VIT: variants seen among roughly 807,000 people sequenced by gnomAD.
The protein encoded by VIT is vitrin.
A neutral mutation model predicts 78.0 loss-of-function variants in VIT; 99 were observed. The ratio of observed to expected loss-of-function variants is 1.27; its 90% CI spans 1.08 to 1.50. The LOEUF is 1.50. Ranked by LOEUF, VIT falls within the 40% of genes most tolerant of loss-of-function variation. The pLI is 0.00. For missense variants in VIT, 1,126 were observed against 875.3 expected, an observed-to-expected ratio of 1.29 and a Z score of -3.61; for synonymous variants, 374 against 334.3, an observed-to-expected ratio of 1.12 and a Z score of -1.29.
intron 2 of VIT, among the ~76,000 whole-genome samples, chr2:36,718,837 A>G (rs17019581): frequency 6.6e-6 from 1 of 152,134 alleles, no homozygotes; most frequent in Non-Finnish European, 1.5e-5. Flanking sequence ...AAACAAAAAA[A>G]TGGGCTAGCA....
At chr2:36,770,579 A>C (rs1669686186) in intron 7 of VIT, among the ~76,000 whole-genome samples, 2 of 152,166 alleles carry the variant, frequency 1.3e-5, no homozygotes, top group African/African-American at 4.8e-5. Context: ...AGAGCAATAG[A>C]GACTTCCTAC....
chr2:36,720,090 C>A (rs187272297), intron 2 of VIT, among the ~76,000 whole-genome samples: 4 of 152,262 alleles, frequency 2.6e-5, no homozygotes, highest in Admixed American at 2.6e-4. Context: ...ATCCTCAGTG[C>A]AATCCCTATT....
intron 2 of VIT, among the ~76,000 whole-genome samples, chr2:36,719,235 A>G (rs1056842982): frequency 6.6e-6 from 1 of 152,198 alleles, no homozygotes. Flanking sequence ...TAATATCATA[A>G]TCAATGGTGA....
chr2:36,756,131 T>A (rs549367233), intron 5 of VIT, among the ~76,000 whole-genome samples: 40 of 152,148 alleles, frequency 2.6e-4, no homozygotes, highest in Admixed American at 5.9e-4. Flanking sequence ...CTAATTTTTG[T>A]ATTTTTAGTG....
rs1310878754 is a variant in VIT at position 36,773,812 on chromosome 2, A to G, written c.701A>G (p.Tyr234Cys). Residue 234 changes from tyrosine to cysteine, a missense_variant, in exon 8 of 16, where the codon TAC (tyrosine) becomes TGC (cysteine). Tyr to Cys is a radical substitution (Grantham distance 194). Transcript: ENST00000379242. Reference sequence around the variant, plus strand: ...ACAGATCTCTGGTCCACTGCCACCTACACAAGCAGCCAAAACAGGCCCAGA... The same window carrying G: ...ACAGATCTCTGGTCCACTGCCACCTGCACAAGCAGCCAAAACAGGCCCAGA... ...QEMDLWSTATYTSSQNRPRAD... is the reference protein window; with the variant it reads ...QEMDLWSTATCTSSQNRPRAD... 1 of 1,605,112 alleles carries G rather than the reference A, an allele frequency of 6.2e-7. No individual in the cohort carries two copies. Among genetic ancestry groups the G allele is most frequent in the Non-Finnish European group, 8.5e-7 (1 of 1,174,734 alleles).
chr2:36,742,104 G>A (rs1053243057), intron 3 of VIT, among the ~76,000 whole-genome samples: 6 of 152,272 alleles, frequency 3.9e-5, no homozygotes, highest in Non-Finnish European at 7.4e-5. Context: ...AAGAATGGGG[G>A]CCAGAACTGA....
chr2:36,759,381 AAAGGAAAAAGC>A, intron 6 of VIT: 1 of 1,380,714 alleles, frequency 7.2e-7, no homozygotes, highest in Non-Finnish European at 9.4e-7. Flanking sequence ...CTGGCAGCTA[AAAGGAAAAAGC>A]TGTATCTACT....
chr2:36,744,888 C>A (rs1668044151), intron 4 of VIT, among the ~76,000 whole-genome samples: 3 of 152,044 alleles, frequency 2.0e-5, no homozygotes, highest in Admixed American at 2.0e-4. Context: ...AAATTCTTTG[C>A]CAAGACCAAT....
intron 2 of VIT, among the ~76,000 whole-genome samples, chr2:36,728,147 T>C (rs980624939): frequency 2.0e-5 from 3 of 152,138 alleles, no homozygotes; most frequent in Non-Finnish European, 4.4e-5. Flanking sequence ...GCCACACTCG[T>C]CTCAAACTCC....
chr2:36,764,430 A>T (rs919046090), intron 6 of VIT, among the ~76,000 whole-genome samples: 3 of 152,230 alleles, frequency 2.0e-5, no homozygotes, highest in Non-Finnish European at 4.4e-5. Context: ...GAAATTAGAA[A>T]CTTCCCTAGT....
At chr2:36,799,474 A>G (rs1666155191) in intron 12 of VIT, among the ~76,000 whole-genome samples, 1 of 152,180 alleles carries the variant, frequency 6.6e-6, no homozygotes, top group Non-Finnish European at 1.5e-5. Flanking sequence ...GCACTTTGGG[A>G]GGCCAAAACA....
intron 3 of VIT, among the ~76,000 whole-genome samples, chr2:36,738,353 G>C (rs1217024015): frequency 6.6e-6 from 1 of 152,138 alleles, no homozygotes; most frequent in Admixed American, 6.5e-5. Flanking sequence ...ATTGTTAATT[G>C]AACAAATTAA....
At chr2:36,770,101 G>A (rs1035831856) in intron 7 of VIT, among the ~76,000 whole-genome samples, 19 of 152,172 alleles carry the variant, frequency 1.2e-4, no homozygotes, top group African/African-American at 4.6e-4. Context: ...TCTAGAACTG[G>A]TTGTGGACAG....
At chr2:36,716,903 G>C (rs1199472855) in intron 2 of VIT, among the ~76,000 whole-genome samples, 4 of 112,104 alleles carry the variant, frequency 3.6e-5, no homozygotes, top group African/African-American at 1.4e-4. Flanking sequence ...TTGAGATAGA[G>C]TCTCACTCTC....
At chr2:36,707,504 C>G (rs1454153950) in intron 1 of VIT, among the ~76,000 whole-genome samples, 1 of 152,222 alleles carries the variant, frequency 6.6e-6, no homozygotes, top group Non-Finnish European at 1.5e-5. Flanking sequence ...CTGGCAAGGG[C>G]CTGGTGCTGA....
intron 1 of VIT, 69 bp from the exon 2 acceptor site, chr2:36,716,284 C>T (rs1487141790): frequency 7.5e-7 from 1 of 1,330,760 alleles, no homozygotes; most frequent in Non-Finnish European, 1.1e-6. Context: ...TCTATCCCCA[C>T]ACACTCTGTG....
At chr2:36,742,996 C>T in intron 3 of VIT, 104 bp from the exon 4 acceptor site, 1 of 1,461,178 alleles carries the variant, frequency 6.8e-7, no homozygotes, top group African/African-American at 1.4e-5. Context: ...TCGGCCCAGG[C>T]TCTGGCTTTT....
intron 1 of VIT, among the ~76,000 whole-genome samples, chr2:36,708,110 T>TCCCCCC (rs141908586): frequency 1.3e-4 from 18 of 137,780 alleles, no homozygotes; most frequent in South Asian, 2.5e-4. Flanking sequence ...GTAAAGGACC[T>TCCCCCC]CCCCCCCCCG....
chr2:36,805,720 T>C (rs911128369), intron 14 of VIT, 56 bp downstream of exon 14: 26 of 1,558,122 alleles, frequency 1.7e-5, no homozygotes, highest in Non-Finnish European at 2.2e-5. Flanking sequence ...CTCTGAAAAA[T>C]TGTAACGCCG....
Sources: gnomAD v4.1 joint callset for allele counts (sites outside exome capture counted in the v4.1 genomes callset) on GRCh38, gnomAD v4.1.1 for gene constraint, MANE v1.5 for transcripts, NCBI Gene and HGNC (gene_info 2026-07-23, HGNC 2026-07-21) for gene names.